SAMMSON: variants seen among roughly 807,000 people sequenced by gnomAD.
The protein encoded by SAMMSON is long intergenic non-protein coding RNA 1212.
intron 4 of SAMMSON, among the ~76,000 whole-genome samples, chr3:70,168,555 G>C (rs78505407): frequency 0.011 from 1,624 of 152,034 alleles, 25 homozygotes; most frequent in African/African-American, 0.037. Flanking sequence ...TGAAATATGC[G>C]ACTATCAGAA....
chr3:70,176,912 A>C (rs1433345618), intron 4 of SAMMSON, among the ~76,000 whole-genome samples: 7 of 152,232 alleles, frequency 4.6e-5, no homozygotes, highest in Non-Finnish European at 1.0e-4. Context: ...AATAGATCAA[A>C]GTCTGAAGGG....
intron 4 of SAMMSON, chr3:70,084,770 T>G (rs1576117826): frequency 1.3e-5 from 2 of 152,322 alleles, no homozygotes; most frequent in Middle Eastern, 6.8e-3. Flanking sequence ...ATTCAGCACC[T>G]ACTGTGTTCC....
At chr3:70,229,155 T>C (rs970388965) in intron 4 of SAMMSON, among the ~76,000 whole-genome samples, 5 of 152,144 alleles carry the variant, frequency 3.3e-5, no homozygotes, top group African/African-American at 4.8e-5. Flanking sequence ...TTTGTAAACT[T>C]TACCACAATT....
intron 6 of SAMMSON, among the ~76,000 whole-genome samples, chr3:70,290,837 C>T: frequency 6.6e-6 from 1 of 152,194 alleles, no homozygotes; most frequent in Non-Finnish European, 1.5e-5. Flanking sequence ...GTGCGGTCCT[C>T]ACCCCTTTCT....
At chr3:70,388,909 G>C (rs28580254) in intron 9 of SAMMSON, among the ~76,000 whole-genome samples, 4,562 of 152,150 alleles carry the variant, frequency 0.03, 241 homozygotes, top group African/African-American at 0.1. Flanking sequence ...GGTCTAGTGG[G>C]AGGTGTTTGG....
intron 9 of SAMMSON, among the ~76,000 whole-genome samples, chr3:70,379,095 C>A (rs2106750719): frequency 6.6e-6 from 1 of 151,976 alleles, no homozygotes; most frequent in African/African-American, 2.4e-5. Context: ...CTCACTGCAA[C>A]CTCCACCTCC....
chr3:70,238,054 A>G (rs1206947390), intron 4 of SAMMSON, among the ~76,000 whole-genome samples: 1 of 119,842 alleles, frequency 8.3e-6, no homozygotes, highest in Non-Finnish European at 1.6e-5. Context: ...CTTTATAGTG[A>G]CGAACCTATT....
intron 4 of SAMMSON, among the ~76,000 whole-genome samples, chr3:70,212,702 A>G (rs1701363583): frequency 6.6e-6 from 1 of 152,146 alleles, no homozygotes; most frequent in African/African-American, 2.4e-5. Flanking sequence ...TTCTCGTCAT[A>G]TTAGTCATAA....
chr3:70,165,793 T>C (rs1177664959), intron 4 of SAMMSON, among the ~76,000 whole-genome samples: 1 of 152,008 alleles, frequency 6.6e-6, no homozygotes, highest in Non-Finnish European at 1.5e-5. Flanking sequence ...TTATAGGACG[T>C]GGTGTCATGG....
chr3:70,088,853 A>G (rs1441553026), intron 4 of SAMMSON, among the ~76,000 whole-genome samples: 1 of 152,166 alleles, frequency 6.6e-6, no homozygotes, highest in Non-Finnish European at 1.5e-5. Context: ...ATGATAAGAA[A>G]ATATGTTATC....
At chr3:70,073,445 G>C (rs952059229) in intron 4 of SAMMSON, among the ~76,000 whole-genome samples, 3 of 152,018 alleles carry the variant, frequency 2.0e-5, no homozygotes, top group Non-Finnish European at 4.4e-5. Context: ...GACAGACATA[G>C]TTCCTGCCCC....
chr3:70,298,983 A>G (rs927225675), intron 7 of SAMMSON, among the ~76,000 whole-genome samples: 5 of 152,162 alleles, frequency 3.3e-5, no homozygotes, highest in Non-Finnish European at 7.4e-5. Flanking sequence ...TTGATGTGCA[A>G]TAGATTGTAA....
intron 4 of SAMMSON, among the ~76,000 whole-genome samples, chr3:70,088,823 CT>C (rs1272478595): frequency 6.6e-6 from 1 of 152,114 alleles, no homozygotes; most frequent in Non-Finnish European, 1.5e-5. Flanking sequence ...TTATGATTTT[CT>C]CTATACAATA....
At chr3:70,295,852 G>A (rs1702284987) in intron 7 of SAMMSON, among the ~76,000 whole-genome samples, 1 of 152,162 alleles carries the variant, frequency 6.6e-6, no homozygotes, top group South Asian at 2.1e-4. Context: ...GAAGCTGAAT[G>A]TGGTTTAATA....
intron 4 of SAMMSON, among the ~76,000 whole-genome samples, chr3:70,152,713 A>C (rs765931160): frequency 6.6e-6 from 1 of 152,032 alleles, no homozygotes; most frequent in African/African-American, 2.4e-5. Flanking sequence ...TCTGCTACTC[A>C]GTGACTTGCT....
intron 7 of SAMMSON, among the ~76,000 whole-genome samples, chr3:70,337,051 A>C (rs1345825612): frequency 1.4e-5 from 2 of 139,440 alleles, no homozygotes; most frequent in East Asian, 2.0e-4. Flanking sequence ...ACTTAATATT[A>C]TTATTATTAA....
rs529730152 is a variant in SAMMSON, at chr3:70,019,156, T to G, written n.417+5484T>G. Reference sequence around the variant, plus strand: ...TATCCTTGTTAACTTTCTGTCTCGTTGATGTGTCTAATGTTGACAGTGGGG... The same window carrying G: ...TATCCTTGTTAACTTTCTGTCTCGTGGATGTGTCTAATGTTGACAGTGGGG... On this transcript the variant is annotated intron_variant and non_coding_transcript_variant, in intron 3 of 9. Transcript: ENST00000642114. Among the ~76,000 whole-genome samples the G allele has an allele frequency of 4.2e-3, 635 of 152,318 alleles. 3 individuals are homozygous for G. Among genetic ancestry groups the G allele is most frequent in the Middle Eastern group, 6.8e-3 (2 of 294 alleles).
chr3:70,227,103 G>GTTCC (rs1029532094), intron 4 of SAMMSON, among the ~76,000 whole-genome samples: 5 of 152,120 alleles, frequency 3.3e-5, no homozygotes, highest in African/African-American at 9.7e-5. Context: ...TTATATCCAA[G>GTTCC]TTCCCTTAAC....
chr3:70,114,464 C>T (rs1365470986), intron 4 of SAMMSON, among the ~76,000 whole-genome samples: 1 of 152,158 alleles, frequency 6.6e-6, no homozygotes, highest in Non-Finnish European at 1.5e-5. Flanking sequence ...TTTATGCAAA[C>T]AGGCAATAAA....
Sources: allele counts gnomAD v4.1 joint callset (sites outside exome capture counted in the v4.1 genomes callset), GRCh38; gene constraint gnomAD v4.1.1; transcripts MANE v1.5; gene names NCBI Gene and HGNC (gene_info 2026-07-23, HGNC 2026-07-21).